Variants in CLTC observed in about 807,000 individuals in gnomAD.
CLTC encodes the protein clathrin heavy chain 1.
In CLTC, 16 loss-of-function variants were observed where a neutral mutation model predicts 195.8. That is an observed-to-expected ratio of 0.08 (90% confidence interval 0.06 to 0.12). The LOEUF is 0.12. Among genes scored for constraint, CLTC ranks in the 10% least tolerant of loss-of-function variants. CLTC has a pLI of 1.00. For missense variants in CLTC, 796 were observed against 2,027.0 expected, an observed-to-expected ratio of 0.39 and a Z score of 11.66; for synonymous variants, 667 against 689.4, an observed-to-expected ratio of 0.97 and a Z score of 0.51.
chr17:59,671,765 G>A (rs1284105085), intron 14 of CLTC, among the ~76,000 whole-genome samples: 4 of 152,048 alleles, frequency 2.6e-5, no homozygotes, highest in Admixed American at 6.6e-5. Context: ...TTGTCCTGCC[G>A]AAGGGCCTTT....
In CLTC at chr17:59,651,187, A is replaced by G; in HGVS notation, c.682-16A>G. 6.6e-7 allele frequency: 1 copy of G among 1,522,356 alleles called. No individual in the cohort carries two copies. Among genetic ancestry groups the G allele is most frequent in the Middle Eastern group, 1.7e-4 (1 of 5,912 alleles). 94.3% of individuals were successfully genotyped at this position (1,522,356 alleles called of 1,614,324 possible). The stretch of plus-strand genomic sequence containing the variant: ...AATGTATAGGTTTATATACATTTTG[A>G]TTTTCTTTTGAACAGTTACATATTA... On this transcript the variant is annotated splice_polypyrimidine_tract_variant and intron_variant, in intron 4 of 31. Coordinates refer to ENST00000269122, the MANE Select transcript of CLTC (RefSeq NM_004859.4).
rs928776500 is a variant in CLTC, at chr17:59,690,923, A to G, written c.4903+212A>G. ...ATCTTAAATACAAGAAAACTCAAAA[A>G]TAGTCATTTAAAATCATAACATGAA... On this transcript the variant is annotated intron_variant, in intron 31 of 31. Transcript: ENST00000269122. 4 of 424,688 alleles carry G rather than the reference A, an allele frequency of 9.4e-6. No individual in the cohort carries two copies. The Admixed American group carries it at 1.3e-4, about 14-fold the overall frequency. 26.3% of individuals were successfully genotyped at this position (424,688 alleles called of 1,614,324 possible). A position where few individuals can be genotyped will look rare whatever the true frequency, so the allele number is the denominator to read the frequency against.
chr17:59,663,512 T>C (rs1172739238), intron 8 of CLTC, among the ~76,000 whole-genome samples: 1 of 152,236 alleles, frequency 6.6e-6, no homozygotes, highest in Non-Finnish European at 1.5e-5. Flanking sequence ...GAGTCTGATA[T>C]CTGAATATTC....
At position 59,682,596 on chromosome 17, in the gene CLTC, C is replaced by T. The variant is rs756497550; in HGVS notation, c.3601-33C>T. The T allele has an allele frequency of 6.2e-7, 1 of 1,610,536 alleles. No individual in the cohort carries two copies. The highest frequency in any genetic ancestry group is 1.1e-5 in the South Asian group (1 of 90,872). The stretch of plus-strand genomic sequence containing the variant: ...AAGAGGATTAAGCTCACACTAATAT[C>T]TTGCTGAATGTGGGTTACCTTTTTT... On this transcript the variant is annotated intron_variant, in intron 22 of 31. Coordinates refer to ENST00000269122, the MANE Select transcript of CLTC (RefSeq NM_004859.4). The surrounding 1 kb of genome is among the most constrained non-coding windows in gnomAD (Gnocchi z 6.8).
chr17:59,682,485 AGG>A lies in CLTC; in HGVS notation c.3600+58_3600+59del. On this transcript the variant is annotated intron_variant, in intron 22 of 31. Coordinates refer to ENST00000269122, the MANE Select transcript of CLTC (RefSeq NM_004859.4). The surrounding 1 kb of genome is among the most constrained non-coding windows in gnomAD (Gnocchi z 6.8). ...AGTTGGGCTACTTGATTAGCTTGGT[AGG>A]ATCAAAACATCATAACTGAAGAATT... 1 of 1,605,346 alleles carries A rather than the reference AGG, an allele frequency of 6.2e-7. No homozygotes were observed. Among genetic ancestry groups the A allele is most frequent in the Middle Eastern group, 1.7e-4 (1 of 6,032 alleles).
At chr17:59,639,792 A>T (rs1225900430) in intron 1 of CLTC, among the ~76,000 whole-genome samples, 1 of 116,676 alleles carries the variant, frequency 8.6e-6, no homozygotes, top group East Asian at 2.6e-4. Flanking sequence ...ACATAGGGAG[A>T]ACCTGTCTCT....
intron 1 of CLTC, among the ~76,000 whole-genome samples, chr17:59,631,028 A>G (rs1055038686): frequency 2.0e-5 from 3 of 152,226 alleles, no homozygotes; most frequent in African/African-American, 7.2e-5. Flanking sequence ...CTAGAAATAT[A>G]TGAGAGTTCC....
intron 30 of CLTC, among the ~76,000 whole-genome samples, chr17:59,686,041 C>A (rs1365126763): frequency 6.6e-6 from 1 of 151,914 alleles, no homozygotes; most frequent in Non-Finnish European, 1.5e-5. Flanking sequence ...TGAAAATAAT[C>A]TATGTATTTT....
chr17:59,661,810 A>ATAT (rs2032613895), intron 8 of CLTC, among the ~76,000 whole-genome samples, 167 bp downstream of exon 8: 1 of 152,146 alleles, frequency 6.6e-6, no homozygotes, highest in South Asian at 2.1e-4. Context: ...TTGAAAAAAT[A>ATAT]TATATTTTTT....
At chr17:59,631,386 G>A (rs1453016512) in intron 1 of CLTC, among the ~76,000 whole-genome samples, 1 of 152,176 alleles carries the variant, frequency 6.6e-6, no homozygotes, top group Non-Finnish European at 1.5e-5. Context: ...AGCTGCTCAG[G>A]CATTTTTTAA....
Position 59,683,528 on chromosome 17 carries a change from A to G in CLTC, c.4183A>G (p.Ile1395Val). 6.2e-7 allele frequency: 1 copy of G among 1,613,776 alleles called. No homozygotes were observed. Among genetic ancestry groups the G allele is most frequent in the Non-Finnish European group, 8.5e-7 (1 of 1,179,844 alleles). The change falls in exon 26 of 32, where the codon ATT becomes GTT. Residue 1395 changes from isoleucine (I) to valine (V), a missense_variant. Transcript: ENST00000269122. This position sits in a 1 kb window ranked among gnomAD's most constrained non-coding sequence, Gnocchi z 6.1. ...AWKEGQFKDI[I>V]TKVANVELYY... ...GAAAGAAGGGCAATTCAAAGATATC[A>G]TTACCAAGGTGTGTACTTTCTTCAG...
Position 59,683,962 on chromosome 17 carries a change from T to C in CLTC, c.4411T>C (p.Phe1471Leu). ...KSVNESLNNL[F>L]ITEEDYQALR... ...TGTGAATGAATCATTGAACAATCTTTTTATTACAGAAGAAGATTATCAGGT... is the reference window on the plus strand; with the variant it reads ...TGTGAATGAATCATTGAACAATCTTCTTATTACAGAAGAAGATTATCAGGT... Residue 1471 changes from phenylalanine (F) to leucine (L), a missense_variant, in exon 28 of 32, where the codon TTT (phenylalanine) becomes CTT (leucine). By Grantham distance (22) the Phe-to-Leu change is conservative. Coordinates refer to ENST00000269122, the MANE Select transcript of CLTC (RefSeq NM_004859.4). This position sits in a 1 kb window ranked among gnomAD's most constrained non-coding sequence, Gnocchi z 6.1. 1 of 1,599,282 alleles carries C rather than the reference T, an allele frequency of 6.3e-7. No homozygotes were observed. Among genetic ancestry groups the C allele is most frequent in the Non-Finnish European group, 8.6e-7 (1 of 1,166,568 alleles).
At chr17:59,626,112 A>G (rs2031543317) in intron 1 of CLTC, among the ~76,000 whole-genome samples, 1 of 152,208 alleles carries the variant, frequency 6.6e-6, no homozygotes, top group African/African-American at 2.4e-5. Flanking sequence ...TTGAGTACTT[A>G]CTGCAGATGA....
intron 14 of CLTC, among the ~76,000 whole-genome samples, chr17:59,669,724 C>CTA (rs34435388): frequency 0.31 from 28,980 of 93,324 alleles, 3,755 homozygotes; most frequent in East Asian, 0.59. Context: ...TGTGTGTACA[C>CTA]TATATATATA....
chr17:59,621,886 A>G (rs1167789750), intron 1 of CLTC, among the ~76,000 whole-genome samples: 1 of 152,224 alleles, frequency 6.6e-6, no homozygotes, highest in Non-Finnish European at 1.5e-5. Context: ...TTTTCATATT[A>G]AACTGCATCT....
chr17:59,693,769 G>T lies in CLTC; in HGVS notation c.4945G>T (p.Val1649Phe). The T allele has an allele frequency of 6.2e-7, 1 of 1,613,694 alleles. No individual in the cohort carries two copies. Among genetic ancestry groups the T allele is most frequent in the Non-Finnish European group, 8.5e-7 (1 of 1,179,800 alleles). Residue 1649 changes from valine to phenylalanine, a missense_variant, in exon 32 of 32, where the codon GTC becomes TTC. Physicochemically the swap from Val to Phe is conservative, Grantham distance 50. Around this residue, in one of 9 missense-constraint regions of CLTC, gnomAD observed 148 missense variants for 279.5 expected, o/e 0.53. Coordinates refer to ENST00000269122, the MANE Select transcript of CLTC (RefSeq NM_004859.4). ...LMLTAGPSVA[V>F]PPQAPFGYGY... Reference sequence around the variant, plus strand: ...GCTGACAGCAGGACCCAGTGTTGCCGTCCCTCCCCAGGCACCTTTTGGTTA... The same window carrying T: ...GCTGACAGCAGGACCCAGTGTTGCCTTCCCTCCCCAGGCACCTTTTGGTTA...
intron 6 of CLTC, chr17:59,658,564 C>T (rs1236984676): frequency 6.6e-6 from 1 of 152,060 alleles, no homozygotes; most frequent in Non-Finnish European, 1.5e-5. Context: ...TGGCATATTC[C>T]CTGAAGGAAT....
Position 59,651,229 on chromosome 17 carries a change from A to T in CLTC, c.708A>T (p.Pro236=). 6.2e-7 allele frequency: 1 copy of T among 1,613,188 alleles called. No homozygotes were observed. Among genetic ancestry groups the T allele is most frequent in the South Asian group, 1.1e-5 (1 of 91,004 alleles). Residue 236 remains proline (P), a synonymous_variant, in exon 5 of 32, where the codon CCA becomes CCT. Transcript: ENST00000269122. ...TACATATTATTGAAGTTGGCACACC[A>T]CCTACAGGGAACCAGCCCTTTCCAA... The part of the protein sequence containing the change: ...GKLHIIEVGT[P]PTGNQPFPKK...
intron 16 of CLTC, among the ~76,000 whole-genome samples, chr17:59,675,159 G>A (rs1026293777): frequency 6.6e-6 from 1 of 152,066 alleles, no homozygotes; most frequent in Non-Finnish European, 1.5e-5. Context: ...TGTGATACCT[G>A]TGTATTTAAC....
Sources: allele counts gnomAD v4.1 joint callset (sites outside exome capture counted in the v4.1 genomes callset), GRCh38; gene constraint gnomAD v4.1.1; regional missense constraint gnomAD v4.1.1; non-coding constraint Gnocchi (gnomAD v3.1); transcripts MANE v1.5; gene names NCBI Gene and HGNC (gene_info 2026-07-23, HGNC 2026-07-21).